The following IL1RAPL1 variants were observed in gnomAD, a reference collection of about 807,000 sequenced individuals.
IL1RAPL1 encodes interleukin-1 receptor accessory protein-like 1.
Under a neutral mutation model 48.4 loss-of-function variants are expected in IL1RAPL1, and 3 were observed. The ratio of observed to expected loss-of-function variants is 0.06; its 90% CI spans 0.03 to 0.16. The LOEUF is 0.16. IL1RAPL1 is among the 10% of genes least tolerant of loss of function. IL1RAPL1 has a pLI of 1.00. For synonymous variants in IL1RAPL1, 185 were observed against 187.7 expected (o/e 0.99, Z 0.12); for missense variants, 349 against 530.6 (o/e 0.66, Z 3.36).
At chrX:28,941,899 T>G (rs1345339730) in intron 2 of IL1RAPL1, among the ~76,000 whole-genome samples, 1 of 109,790 alleles carries the variant, frequency 9.1e-6, no homozygotes, top group Non-Finnish European at 1.9e-5. Context: ...TAAATCTAAT[T>G]AAGTAAAAGT....
At chrX:29,698,936 A>C (rs1926984552) in intron 6 of IL1RAPL1, among the ~76,000 whole-genome samples, 1 of 112,383 alleles carries the variant, frequency 8.9e-6, no homozygotes, top group Non-Finnish European at 1.9e-5. Context: ...ATAACTGAAC[A>C]TAGGCCAATA....
intron 1 of IL1RAPL1, among the ~76,000 whole-genome samples, chrX:28,768,721 CTCTCTCTG>C (rs1372483374): frequency 2.1e-3 from 136 of 66,063 alleles, no homozygotes; most frequent in African/African-American, 7.7e-3. Flanking sequence ...CTCTCTCTCT[CTCTCTCTG>C]TCTCTCTCTC....
chrX:28,929,356 A>G lies in IL1RAPL1; in HGVS notation c.82+139931A>G, dbSNP rs112200637. Among the ~76,000 whole-genome samples the G allele has an allele frequency of 2.0e-3, 229 of 112,123 alleles. 1 individual carries two copies. Among genetic ancestry groups the G allele is most frequent in the Middle Eastern group, 9.3e-3 (2 of 215 alleles). On this transcript the variant is annotated intron_variant, in intron 2 of 10. Transcript: ENST00000378993. ...TATGTGGCCTGTTATTGACAGATACATTGTTATTCTGTTCATGACTGTATT... is the reference window on the plus strand; with the variant it reads ...TATGTGGCCTGTTATTGACAGATACGTTGTTATTCTGTTCATGACTGTATT...
At chrX:29,743,031 A>G (rs950804712) in intron 6 of IL1RAPL1, among the ~76,000 whole-genome samples, 4 of 110,335 alleles carry the variant, frequency 3.6e-5, no homozygotes, top group African/African-American at 1.3e-4. Flanking sequence ...CTTATACATG[A>G]TAATTGTATA....
intron 3 of IL1RAPL1, among the ~76,000 whole-genome samples, chrX:29,320,459 A>T (rs1932796138): frequency 8.9e-6 from 1 of 112,164 alleles, no homozygotes; most frequent in African/African-American, 3.2e-5. Flanking sequence ...GAAACAAAGC[A>T]TCTTCCAAAA....
chrX:28,700,759 T>C (rs1025620701), intron 1 of IL1RAPL1, among the ~76,000 whole-genome samples: 1 of 110,833 alleles, frequency 9.0e-6, no homozygotes, highest in Admixed American at 9.7e-5. Context: ...TGTATCCACA[T>C]GTTCTCATTG....
At chrX:28,937,285 G>T (rs757552673) in intron 2 of IL1RAPL1, among the ~76,000 whole-genome samples, 1 of 111,050 alleles carries the variant, frequency 9.0e-6, no homozygotes, top group Middle Eastern at 4.2e-3. Context: ...CAAAGTATTA[G>T]ATATATAATA....
At chrX:29,252,380 C>G (rs1285796033) in intron 2 of IL1RAPL1, among the ~76,000 whole-genome samples, 1 of 113,763 alleles carries the variant, frequency 8.8e-6, no homozygotes, top group African/African-American at 3.2e-5. Flanking sequence ...CTAGATTTCT[C>G]TATCAGTTTC....
intron 1 of IL1RAPL1, among the ~76,000 whole-genome samples, chrX:28,636,654 T>C (rs1375608353): frequency 9.0e-6 from 1 of 111,597 alleles, no homozygotes; most frequent in East Asian, 2.8e-4. Flanking sequence ...TTCATGATTG[T>C]AATTGGGCTG....
At chrX:29,178,741 T>A (rs375153299) in intron 2 of IL1RAPL1, among the ~76,000 whole-genome samples, 5 of 112,020 alleles carry the variant, frequency 4.5e-5, no homozygotes, top group African/African-American at 1.6e-4. Flanking sequence ...CTAACATTTA[T>A]GTCTTTAATC....
At chrX:29,950,988 T>C (rs959478568) in intron 9 of IL1RAPL1, among the ~76,000 whole-genome samples, 3 of 111,406 alleles carry the variant, frequency 2.7e-5, no homozygotes, top group Non-Finnish European at 3.8e-5. Context: ...AACCCTAATG[T>C]CTTTTCATGA....
At chrX:29,953,615 G>A (rs1324875105) in intron 9 of IL1RAPL1, among the ~76,000 whole-genome samples, 1 of 111,715 alleles carries the variant, frequency 9.0e-6, no homozygotes, top group African/African-American at 3.2e-5. Context: ...TATTTTATGT[G>A]TAAGATGAGT....
chrX:28,619,607 CAAAAAAA>C (rs55856491), intron 1 of IL1RAPL1, among the ~76,000 whole-genome samples: 5 of 57,296 alleles, frequency 8.7e-5, no homozygotes, highest in Non-Finnish European at 1.6e-4. Flanking sequence ...ACCCCGTCTC[CAAAAAAA>C]AAAAAAAAAA....
chrX:29,477,834 A>G (rs951420721), intron 5 of IL1RAPL1, among the ~76,000 whole-genome samples: 1 of 112,095 alleles, frequency 8.9e-6, no homozygotes, highest in African/African-American at 3.2e-5. Context: ...TACCAAAAAA[A>G]TCATAAACAA....
chrX:29,411,894 A>G (rs948014870), intron 5 of IL1RAPL1, among the ~76,000 whole-genome samples: 39 of 111,257 alleles, frequency 3.5e-4, no homozygotes, highest in African/African-American at 1.2e-3. Context: ...TACTGCTTCA[A>G]ATTTTCAAAT....
At chrX:29,636,654 A>C (rs746431835) in intron 5 of IL1RAPL1, among the ~76,000 whole-genome samples, 1 of 112,076 alleles carries the variant, frequency 8.9e-6, no homozygotes, top group South Asian at 3.7e-4. Flanking sequence ...TGTATGATCC[A>C]CTTAGTGTAT....
chrX:28,966,652 CA>C (rs1431368201), intron 2 of IL1RAPL1, among the ~76,000 whole-genome samples: 1 of 111,383 alleles, frequency 9.0e-6, no homozygotes, highest in African/African-American at 3.3e-5. Flanking sequence ...TAAGCAAACC[CA>C]AAAGTTATCT....
chrX:29,550,339 C>T (rs189083799), intron 5 of IL1RAPL1, among the ~76,000 whole-genome samples: 5 of 110,658 alleles, frequency 4.5e-5, no homozygotes, highest in Non-Finnish European at 9.5e-5. Context: ...CTACAGGCGC[C>T]CGCCACCACG....
chrX:28,732,892 T>G (rs1935772482), intron 1 of IL1RAPL1, among the ~76,000 whole-genome samples: 1 of 111,373 alleles, frequency 9.0e-6, no homozygotes, highest in Non-Finnish European at 1.9e-5. Flanking sequence ...ATTAATAATT[T>G]GTTTCAAAAT....
Sources: allele counts gnomAD v4.1 joint callset (sites outside exome capture counted in the v4.1 genomes callset), GRCh38; gene constraint gnomAD v4.1.1; transcripts MANE v1.5; gene names NCBI Gene and HGNC (gene_info 2026-07-23, HGNC 2026-07-21).